ADIPOR2: variants seen among roughly 807,000 people sequenced by gnomAD.
ADIPOR2 encodes adiponectin receptor 2.
In ADIPOR2, 18 loss-of-function variants were observed where a neutral mutation model predicts 40.9. The ratio of observed to expected loss-of-function variants is 0.44; its 90% CI spans 0.30 to 0.65. ADIPOR2 has a LOEUF of 0.65. Among genes scored for constraint, ADIPOR2 ranks in the 30% least tolerant of loss-of-function variants. The pLI, the probability that ADIPOR2 is intolerant of heterozygous loss-of-function variation, is 0.09. For missense variants in ADIPOR2, 283 were observed against 479.2 expected, an observed-to-expected ratio of 0.59 and a Z score of 3.82; for synonymous variants, 165 against 166.4, an observed-to-expected ratio of 0.99 and a Z score of 0.06.
At chr12:1,753,460 C>T (rs1394180431) in intron 1 of ADIPOR2, among the ~76,000 whole-genome samples, 3 of 152,160 alleles carry the variant, frequency 2.0e-5, no homozygotes, top group Non-Finnish European at 4.4e-5. Flanking sequence ...ATTCATTAAA[C>T]ATTTGTGTGC....
At chr12:1,784,157 T>A in intron 7 of ADIPOR2, 84 bp downstream of exon 7, 1 of 1,396,840 alleles carries the variant, frequency 7.2e-7, no homozygotes, top group Non-Finnish European at 9.5e-7. Flanking sequence ...AGAAAAAGTT[T>A]TAGACACAAA....
chr12:1,704,000 G>T (rs1004045605), intron 1 of ADIPOR2, among the ~76,000 whole-genome samples: 1 of 136,932 alleles, frequency 7.3e-6, no homozygotes, highest in African/African-American at 2.8e-5. Flanking sequence ...GATGTGAACC[G>T]CTATGCCCCC....
In ADIPOR2 at chr12:1,773,351, G is replaced by C. The variant is rs567301864; in HGVS notation, c.291+390G>C. The stretch of plus-strand genomic sequence containing the variant: ...CTGCTGAGTGACTGCAATGGCAAAT[G>C]TACTGTTCTTTCTAGGGATTCTGTG... On this transcript the variant is annotated intron_variant, in intron 3 of 7. Coordinates refer to ENST00000357103, the MANE Select transcript of ADIPOR2 (RefSeq NM_024551.3). Among the ~76,000 whole-genome samples, 4 of 152,298 alleles carry C rather than the reference G, an allele frequency of 2.6e-5. No individual in the cohort carries two copies. The South Asian group carries it at 8.3e-4, about 32-fold the overall frequency.
intron 1 of ADIPOR2, among the ~76,000 whole-genome samples, chr12:1,691,527 T>C (rs2094626956): frequency 6.6e-6 from 1 of 152,212 alleles, no homozygotes; most frequent in Admixed American, 6.5e-5. Context: ...TCGGGTGCAG[T>C]TGCTCCAGCT....
At chr12:1,778,777 C>G (rs940617737) in intron 4 of ADIPOR2, among the ~76,000 whole-genome samples, 1 of 152,152 alleles carries the variant, frequency 6.6e-6, no homozygotes, top group Non-Finnish European at 1.5e-5. Context: ...AGAATATTTA[C>G]AAATCAGCTA....
At chr12:1,716,233 G>A (rs574927590) in intron 1 of ADIPOR2, among the ~76,000 whole-genome samples, 1 of 152,330 alleles carries the variant, frequency 6.6e-6, no homozygotes, top group Admixed American at 6.5e-5. Flanking sequence ...GTCTCTGAGA[G>A]CAGTGTAATT....
chr12:1,786,003 T>C lies in ADIPOR2; in HGVS notation c.1092T>C (p.His364=), dbSNP rs1346343932. ...FVVAGAFVHF[H]GVSNLQEFRF... ...TTGCTGGAGCTTTTGTTCACTTCCA[T>C]GGTGTCTCAAACCTCCAGGAGTTTC... Residue 364 remains histidine (H), a synonymous_variant, in exon 8 of 8, where the codon CAT becomes CAC. Transcript: ENST00000357103. The C allele has an allele frequency of 6.2e-7, 1 of 1,614,166 alleles. No individual in the cohort carries two copies.
chr12:1,703,380 A>G (rs1031383411), intron 1 of ADIPOR2, among the ~76,000 whole-genome samples: 19 of 152,172 alleles, frequency 1.2e-4, no homozygotes, highest in Admixed American at 1.2e-3. Flanking sequence ...CTGGAGTGGT[A>G]TGTGTGTTTG....
chr12:1,743,327 AAAG>A (rs2094747729), intron 1 of ADIPOR2, among the ~76,000 whole-genome samples: 2 of 151,096 alleles, frequency 1.3e-5, no homozygotes, highest in Non-Finnish European at 2.9e-5. Context: ...AAAAAAAAAA[AAAG>A]AAATTCTATG....
chr12:1,707,414 T>C (rs1356487399), intron 1 of ADIPOR2, among the ~76,000 whole-genome samples: 3 of 904 alleles, frequency 3.3e-3, no homozygotes, highest in Non-Finnish European at 0.022. Flanking sequence ...AATTTTAACT[T>C]TTTTTTTTTT....
At chr12:1,757,313 A>T in intron 2 of ADIPOR2, 1 of 671,460 alleles carries the variant, frequency 1.5e-6, no homozygotes. Context: ...CTCAGGGAAG[A>T]GAAGTCTGTG....
At chr12:1,764,607 TG>T (rs1862336863) in intron 2 of ADIPOR2, among the ~76,000 whole-genome samples, 1 of 119,264 alleles carries the variant, frequency 8.4e-6, no homozygotes, top group Non-Finnish European at 2.1e-5. Flanking sequence ...ATATTGTAAG[TG>T]GATAGTCTGA....
At chr12:1,720,684 C>T (rs2094696171) in intron 1 of ADIPOR2, among the ~76,000 whole-genome samples, 2 of 152,190 alleles carry the variant, frequency 1.3e-5, no homozygotes, top group Admixed American at 1.3e-4. Context: ...GCTGTAAACA[C>T]AGATGAAGCT....
intron 1 of ADIPOR2, among the ~76,000 whole-genome samples, chr12:1,708,091 A>G (rs1477272484): frequency 1.3e-5 from 2 of 152,228 alleles, no homozygotes; most frequent in Non-Finnish European, 2.9e-5. Context: ...AATACAGTAT[A>G]ACAGCTATTT....
At chr12:1,747,348 C>T (rs2094757819) in intron 1 of ADIPOR2, among the ~76,000 whole-genome samples, 1 of 152,088 alleles carries the variant, frequency 6.6e-6, no homozygotes, top group Admixed American at 6.6e-5. Context: ...CACACTTAAC[C>T]ATTGGGTCAA....
At chr12:1,720,517 G>C (rs2094695804) in intron 1 of ADIPOR2, among the ~76,000 whole-genome samples, 1 of 152,212 alleles carries the variant, frequency 6.6e-6, no homozygotes, top group African/African-American at 2.4e-5. Flanking sequence ...TCCCATATGG[G>C]AGTGATGGGA....
rs185427801 is a variant in ADIPOR2, at chr12:1,748,405, C to T, written c.-86-5853C>T. Among the ~76,000 whole-genome samples the T allele has an allele frequency of 4.0e-3, 616 of 152,134 alleles. 2 individuals are homozygous for T. The highest frequency in any genetic ancestry group is 0.014 in the African/African-American group (561 of 41,504). ...CTGGAACTACAGGTGCCCGCCACCACGCCTGGCTAATTTTTTATATTTTTA... is the reference window on the plus strand; with the variant it reads ...CTGGAACTACAGGTGCCCGCCACCATGCCTGGCTAATTTTTTATATTTTTA... On this transcript the variant is annotated intron_variant, in intron 1 of 7. Coordinates refer to ENST00000357103, the MANE Select transcript of ADIPOR2 (RefSeq NM_024551.3).
Position 1,773,917 on chromosome 12 carries a change from T to C in ADIPOR2, c.291+956T>C, listed in dbSNP as rs1263105103. 2.6e-5 allele frequency among the ~76,000 whole-genome samples: 4 copies of C among 152,318 alleles called. No individual in the cohort carries two copies. The East Asian group carries it at 7.7e-4, about 29-fold the overall frequency. ...TGGACCAGGGTATGAAAAGAGAACATTGTGATCTGAACATAGACATCCTTT... is the reference window on the plus strand; with the variant it reads ...TGGACCAGGGTATGAAAAGAGAACACTGTGATCTGAACATAGACATCCTTT... On this transcript the variant is annotated intron_variant, in intron 3 of 7. Transcript: ENST00000357103.
chr12:1,715,383 C>T (rs1271441766), intron 1 of ADIPOR2, among the ~76,000 whole-genome samples: 1 of 152,052 alleles, frequency 6.6e-6, no homozygotes, highest in Non-Finnish European at 1.5e-5. Flanking sequence ...GCCTCTTTTT[C>T]AGGGTTTGCA....
Sources: gnomAD v4.1 joint callset for allele counts (sites outside exome capture counted in the v4.1 genomes callset) on GRCh38, gnomAD v4.1.1 for gene constraint, MANE v1.5 for transcripts, NCBI Gene and HGNC (gene_info 2026-07-23, HGNC 2026-07-21) for gene names.